Variants in PCNX2 observed in about 807,000 individuals in gnomAD.
The protein encoded by PCNX2 is pecanex-like protein 2.
A neutral mutation model predicts 223.8 loss-of-function variants in PCNX2; 168 were observed. The observed-to-expected ratio is 0.75, with a 90% CI of 0.66 to 0.85. The LOEUF (loss-of-function observed/expected upper bound fraction) is 0.85. PCNX2 is among the 40% of genes least tolerant of loss of function. The pLI, the probability that PCNX2 is intolerant of heterozygous loss-of-function variation, is 0.00. For synonymous variants in PCNX2, 1,006 were observed against 1,052.6 expected, an observed-to-expected ratio of 0.96 and a Z score of 0.86; for missense variants, 2,507 against 2,675.5, an observed-to-expected ratio of 0.94 and a Z score of 1.39.
intron 23 of PCNX2, among the ~76,000 whole-genome samples, chr1:233,067,534 C>T (rs971076855): frequency 6.6e-6 from 1 of 151,764 alleles, no homozygotes; most frequent in Admixed American, 6.6e-5. Context: ...AGTGCAGTGG[C>T]ACCATCTCAG....
chr1:233,081,539 G>A, intron 23 of PCNX2, among the ~76,000 whole-genome samples: 1 of 152,242 alleles, frequency 6.6e-6, no homozygotes, highest in East Asian at 1.9e-4. Context: ...GGGCCATGGA[G>A]AAGCATCAGG....
At position 233,252,685 on chromosome 1, in the gene PCNX2, A is replaced by C. The variant is rs775046945; in HGVS notation, c.1938T>G (p.Thr646=). 6.2e-7 allele frequency: 1 copy of C among 1,613,920 alleles called. No homozygotes were observed. The highest frequency in any genetic ancestry group is 2.2e-5 in the East Asian group (1 of 44,884). ...GCTGAGTGCATGCGGGGCCGGTGCT[A>C]GTATGGTCTTGACTTTGCAAATCTG... ...GKPDLQSQDH[T]STGPACTQPA... is the part of the protein sequence containing the mutation. The change falls in exon 6 of 34, where the codon ACT becomes ACG. Residue 646 remains threonine, a synonymous_variant. Transcript: ENST00000258229.
chr1:233,311,660 T>C, the PCNX2 span, among the ~76,000 whole-genome samples: 1 of 152,218 alleles, frequency 6.6e-6, no homozygotes, highest in Non-Finnish European at 1.5e-5. Flanking sequence ...ATCCATTTGT[T>C]ACTGCAGCTT....
intron 28 of PCNX2, among the ~76,000 whole-genome samples, chr1:233,004,245 A>T (rs1670196958): frequency 6.6e-6 from 1 of 152,084 alleles, no homozygotes; most frequent in African/African-American, 2.4e-5. Context: ...AAAAAGAGGG[A>T]TCTTTCAAGA....
chr1:233,133,261 C>T (rs1238791610), intron 21 of PCNX2, among the ~76,000 whole-genome samples: 1 of 152,022 alleles, frequency 6.6e-6, no homozygotes, highest in Non-Finnish European at 1.5e-5. Context: ...CTAGTAACTT[C>T]ACAAATAGTT....
chr1:233,141,765 A>G (rs934091972), intron 19 of PCNX2, among the ~76,000 whole-genome samples: 6 of 123,650 alleles, frequency 4.9e-5, no homozygotes, highest in Admixed American at 1.5e-4. Flanking sequence ...ATGTGTGTGT[A>G]TATGTATATG....
At position 233,283,689 on chromosome 1, in the gene PCNX2, C is replaced by T. The variant is rs184443902; in HGVS notation, c.153+11637G>A. On this transcript the variant is annotated intron_variant, in intron 1 of 33. Coordinates refer to ENST00000258229, the MANE Select transcript of PCNX2 (RefSeq NM_014801.4). ...AAAAAGTGCAACAAAACTATGAGGA[C>T]GGGGGAAAAAAAAACTCTTCTTTAC... is the stretch of plus-strand genomic sequence containing the variant. 1.1e-3 allele frequency among the ~76,000 whole-genome samples: 171 copies of T among 150,350 alleles called. 2 individuals carry two copies. The East Asian group carries it at 0.028, about 24-fold the overall frequency.
chr1:232,998,969 C>G, intron 31 of PCNX2, 136 bp downstream of exon 31: 1 of 964,968 alleles, frequency 1.0e-6, no homozygotes, highest in African/African-American at 1.6e-5. Flanking sequence ...TGTTCGATGC[C>G]ACTTGGGGGT....
At chr1:233,194,933 C>T (rs527402264) in intron 15 of PCNX2, among the ~76,000 whole-genome samples, 2 of 150,404 alleles carry the variant, frequency 1.3e-5, no homozygotes, top group African/African-American at 4.9e-5. Context: ...AGGAGAATGG[C>T]GTGAACCCAG....
At chr1:233,303,912 G>C in the PCNX2 span, among the ~76,000 whole-genome samples, 1 of 151,946 alleles carries the variant, frequency 6.6e-6, no homozygotes, top group Non-Finnish European at 1.5e-5. Flanking sequence ...CATATAGTTG[G>C]GATACAGTTT....
intron 21 of PCNX2, among the ~76,000 whole-genome samples, chr1:233,127,393 A>C (rs141406879): frequency 6.6e-6 from 1 of 151,766 alleles, no homozygotes. Flanking sequence ...CCTCTGCGTA[A>C]CTCACTCCTC....
At chr1:233,317,274 C>T in the PCNX2 span, among the ~76,000 whole-genome samples, 5 of 151,930 alleles carry the variant, frequency 3.3e-5, no homozygotes, top group African/African-American at 4.8e-5. Context: ...ATTAGCTGGG[C>T]GTGATGATGG....
intron 21 of PCNX2, chr1:233,113,014 T>C (rs1675202192): frequency 7.8e-7 from 1 of 1,288,626 alleles, no homozygotes; most frequent in South Asian, 1.2e-5. Context: ...TGTAAATCTT[T>C]AAGGGATGTG....
chr1:233,123,610 C>T (rs200847392), intron 21 of PCNX2, among the ~76,000 whole-genome samples: 20 of 151,886 alleles, frequency 1.3e-4, no homozygotes, highest in East Asian at 5.8e-4. Flanking sequence ...TCTTGTAATA[C>T]GAATGCAAAT....
intron 1 of PCNX2, chr1:233,291,866 G>C (rs1251715076): frequency 2.5e-5 from 25 of 984,760 alleles, no homozygotes; most frequent in Admixed American, 1.2e-4. Flanking sequence ...CTGTGTATTT[G>C]ACATGAGGCT....
At chr1:233,018,746 G>A in intron 26 of PCNX2, 1 of 984,998 alleles carries the variant, frequency 1.0e-6, no homozygotes, top group Non-Finnish European at 1.2e-6. Context: ...GGGCACCCCT[G>A]GAATGAGGCT....
chr1:233,059,469 T>C (rs1159482781), intron 23 of PCNX2, among the ~76,000 whole-genome samples: 2 of 152,104 alleles, frequency 1.3e-5, no homozygotes, highest in East Asian at 3.9e-4. Flanking sequence ...TTAAATAGAG[T>C]GCTCAAGGTC....
At chr1:233,292,198 C>CTTTTTTT (rs1360464529) in intron 1 of PCNX2, among the ~76,000 whole-genome samples, 48 of 134,334 alleles carry the variant, frequency 3.6e-4, no homozygotes, top group African/African-American at 1.4e-3. Flanking sequence ...TTCTTTCTTT[C>CTTTTTTT]TTTCTTTTTT....
intron 26 of PCNX2, among the ~76,000 whole-genome samples, chr1:233,021,043 T>C (rs897323375): frequency 2.6e-5 from 3 of 114,542 alleles, no homozygotes; most frequent in Admixed American, 8.3e-5. Flanking sequence ...GAAAATCATC[T>C]TTTTTTTTAA....
Sources: allele counts gnomAD v4.1 joint callset (sites outside exome capture counted in the v4.1 genomes callset), GRCh38; gene constraint gnomAD v4.1.1; transcripts MANE v1.5; gene names NCBI Gene and HGNC (gene_info 2026-07-23, HGNC 2026-07-21).